DNAI2: variants seen among roughly 807,000 people sequenced by gnomAD.
DNAI2 encodes dynein axonemal intermediate chain 2.
In DNAI2, 63 loss-of-function variants were observed where a neutral mutation model predicts 74.7. The observed-to-expected ratio is 0.84, with a 90% CI of 0.69 to 1.04. The LOEUF (loss-of-function observed/expected upper bound fraction) is 1.04. DNAI2 is among the 50% of genes least tolerant of loss of function. The probability of loss-of-function intolerance (pLI) is 0.00; values close to 1 mark genes in which losing one functional copy is unlikely to be tolerated. For missense variants in DNAI2, 688 were observed against 803.2 expected (o/e 0.86, Z 1.73); for synonymous variants, 289 against 314.9 (o/e 0.92, Z 0.87).
intron 8 of DNAI2, among the ~76,000 whole-genome samples, chr17:74,304,192 T>C (rs1375435900): frequency 8.9e-5 from 11 of 123,264 alleles, no homozygotes; most frequent in Admixed American, 2.3e-4. Context: ...TTTTCTTTTT[T>C]TTTTTTTTTT....
At chr17:74,302,058 G>A (rs865837634) in intron 8 of DNAI2, among the ~76,000 whole-genome samples, 15 of 31,770 alleles carry the variant, frequency 4.7e-4, no homozygotes, top group South Asian at 1.1e-3. Context: ...AAGGAAGGAA[G>A]GAAGGAAGGA....
rs147196022 is a variant in DNAI2 at position 74,296,713 on chromosome 17, G to A, written c.725-3005G>A. On this transcript the variant is annotated intron_variant, in intron 6 of 13. Transcript: ENST00000311014. ...AGCCTTATCAGGGAACCACCAGACCGGTCAGATAATGACAGTTCTTTGGGC... is the reference window on the plus strand; with the variant it reads ...AGCCTTATCAGGGAACCACCAGACCAGTCAGATAATGACAGTTCTTTGGGC... 3.7e-3 allele frequency among the ~76,000 whole-genome samples: 562 copies of A among 152,234 alleles called. 8 individuals are homozygous for A. The highest frequency in any genetic ancestry group is 0.013 in the African/African-American group (526 of 41,546).
intron 5 of DNAI2, among the ~76,000 whole-genome samples, chr17:74,290,442 G>C (rs532293992): frequency 2.0e-5 from 3 of 152,178 alleles, no homozygotes; most frequent in African/African-American, 7.2e-5. Context: ...CAGGGGCAGC[G>C]TGTCCATTTA....
chr17:74,278,614 T>C (rs1288224542), intron 1 of DNAI2, among the ~76,000 whole-genome samples: 2 of 152,158 alleles, frequency 1.3e-5, no homozygotes, highest in Non-Finnish European at 2.9e-5. Flanking sequence ...TGGCTTCTCT[T>C]TTTGTTAACA....
intron 7 of DNAI2, 39 bp from the exon 8 acceptor site, chr17:74,301,007 A>G (rs1185787322): frequency 1.2e-6 from 2 of 1,611,708 alleles, no homozygotes; most frequent in African/African-American, 1.3e-5. Flanking sequence ...GGGGAAATAC[A>G]GGGCCTCGAA....
chr17:74,287,954 C>CAAAA (rs35302128), intron 4 of DNAI2, among the ~76,000 whole-genome samples: 2 of 134,542 alleles, frequency 1.5e-5, no homozygotes, highest in African/African-American at 2.7e-5. Flanking sequence ...GACTCTGTCT[C>CAAAA]AAAAAAAAAA....
At chr17:74,308,114 T>C (rs570652041) in intron 9 of DNAI2, among the ~76,000 whole-genome samples, 1 of 152,234 alleles carries the variant, frequency 6.6e-6, no homozygotes, top group South Asian at 2.1e-4. Context: ...CTTTCTTTAG[T>C]CTTGATCATT....
At chr17:74,275,301 G>T (rs118024434) in intron 1 of DNAI2, among the ~76,000 whole-genome samples, 2,417 of 152,240 alleles carry the variant, frequency 0.016, 32 homozygotes, top group Non-Finnish European at 0.022. Context: ...ACTTTCCTTG[G>T]GGGGCTCAGC....
intron 9 of DNAI2, chr17:74,307,181 T>C: frequency 2.2e-6 from 1 of 454,318 alleles, no homozygotes; most frequent in South Asian, 1.6e-5. Flanking sequence ...TTACAGGCTT[T>C]AGGAGCCTTC....
In DNAI2 at chr17:74,279,726, G is replaced by T. The variant is rs4789645; in HGVS notation, c.-11-2081G>T. Among the ~76,000 whole-genome samples, 36 of 152,218 alleles carry T rather than the reference G, an allele frequency of 2.4e-4. No homozygotes were observed. The South Asian group carries it at 4.8e-3, about 20-fold the overall frequency. ...GTATTTTTAGTAGAGATGGGTTTTC[G>T]CCATGTTGGCCAGGCTGGTCTTGAA... On this transcript the variant is annotated intron_variant, in intron 1 of 13. Transcript: ENST00000311014.
chr17:74,305,514 C>T lies in DNAI2; in HGVS notation c.1211+72C>T, dbSNP rs182570014. The T allele has an allele frequency of 2.3e-3, 3,263 of 1,407,170 alleles. 42 individuals are homozygous for T. The highest frequency in any genetic ancestry group is 3.6e-3 in the East Asian group (150 of 42,060). The allele number at this position is 1,407,170 out of a possible 1,614,324, so 87.2% of individuals were successfully genotyped here. The stretch of plus-strand genomic sequence containing the variant: ...GGATGGAGGGAGCCCAGCTGGGCCC[C>T]GGAGAGTCCCGAGCCTCCATATGTA... On this transcript the variant is annotated intron_variant, in intron 9 of 13. Coordinates refer to ENST00000311014, the MANE Select transcript of DNAI2 (RefSeq NM_023036.6).
At chr17:74,296,928 T>C (rs530915616) in intron 6 of DNAI2, among the ~76,000 whole-genome samples, 66 of 152,292 alleles carry the variant, frequency 4.3e-4, no homozygotes, top group African/African-American at 1.6e-3. Flanking sequence ...GAATAAACAT[T>C]CTCCCGACTG....
At chr17:74,287,815 T>C (rs2051840626) in intron 4 of DNAI2, among the ~76,000 whole-genome samples, 3 of 152,028 alleles carry the variant, frequency 2.0e-5, no homozygotes, top group Non-Finnish European at 2.9e-5. Flanking sequence ...ATTAACTGGG[T>C]GTGGTGGCAC....
In DNAI2 at chr17:74,312,525, G is replaced by A. The variant is rs554449239; in HGVS notation, c.1722+295G>A. Among the ~76,000 whole-genome samples, 4 of 152,236 alleles carry A rather than the reference G, an allele frequency of 2.6e-5. No homozygotes were observed. The East Asian group carries it at 7.7e-4, about 29-fold the overall frequency. ...GAAAATGCGTGTTGAGTGACTGAACGAGGGAACATGTGTGTTGAGTGACTG... is the reference window on the plus strand; with the variant it reads ...GAAAATGCGTGTTGAGTGACTGAACAAGGGAACATGTGTGTTGAGTGACTG... On this transcript the variant is annotated intron_variant, in intron 12 of 13. Transcript: ENST00000311014.
intron 6 of DNAI2, among the ~76,000 whole-genome samples, chr17:74,297,689 CTT>C (rs779803968): frequency 3.5e-4 from 51 of 143,748 alleles, no homozygotes; most frequent in Non-Finnish European, 3.5e-4. Context: ...GCCCAAACTG[CTT>C]TTTTTTTTTT....
At chr17:74,307,006 G>T (rs2053227755) in intron 9 of DNAI2, among the ~76,000 whole-genome samples, 1 of 152,234 alleles carries the variant, frequency 6.6e-6, no homozygotes, top group African/African-American at 2.4e-5. Context: ...GAATGGGTTT[G>T]CTAAGGAGCA....
intron 8 of DNAI2, among the ~76,000 whole-genome samples, chr17:74,304,167 T>A (rs546084374): frequency 6.2e-4 from 93 of 149,584 alleles, no homozygotes; most frequent in Non-Finnish European, 1.2e-3. Context: ...TTTTCTTTTC[T>A]TTTTTCTTTT....
rs1002039018 is a variant in DNAI2, at chr17:74,274,287, C to CCGCGA, written c.-68_-64dup. 13 of 83,088 alleles carry CCGCGA rather than the reference C, an allele frequency of 1.6e-4. No individual in the cohort carries two copies. The highest frequency in any genetic ancestry group is 3.9e-4 in the African/African-American group (13 of 33,570). The allele number at this position is 83,088 out of a possible 1,614,324, so 5.1% of individuals were successfully genotyped here. A position where few individuals can be genotyped will look rare whatever the true frequency, so the allele number is the denominator to read the frequency against. On this transcript the variant is annotated 5_prime_UTR_variant, in exon 1 of 14. Transcript: ENST00000311014. ...CGCCGCCGTTTGAGGAGCACCGGAGCCGCGACCGTGGATTGAACGCTTCCC... is the reference window on the plus strand; with the variant it reads ...CGCCGCCGTTTGAGGAGCACCGGAGCCGCGACGCGACCGTGGATTGAACGCTTCCC...
intron 6 of DNAI2, among the ~76,000 whole-genome samples, chr17:74,297,630 C>T (rs2052526736): frequency 6.6e-6 from 1 of 151,890 alleles, no homozygotes. Context: ...GATCCACCCA[C>T]CTTGACCTCC....
Sources: allele counts gnomAD v4.1 joint callset (sites outside exome capture counted in the v4.1 genomes callset), GRCh38; gene constraint gnomAD v4.1.1; transcripts MANE v1.5; gene names NCBI Gene and HGNC (gene_info 2026-07-23, HGNC 2026-07-21).